The following DNAH9 variants were observed in gnomAD, a reference collection of about 807,000 sequenced individuals.
DNAH9 encodes DNAH9 variant protein.
DNAH9 carries 345 observed loss-of-function variants against 471.6 expected under a neutral mutation model. The observed-to-expected ratio is 0.73, with a 90% confidence interval of 0.67 to 0.80. DNAH9 has a LOEUF of 0.80. DNAH9 is among the 30% of genes least tolerant of loss of function. DNAH9 has a pLI of 0.00. For missense variants in DNAH9, 5,407 were observed against 5,609.2 expected (o/e 0.96, Z 1.15); for synonymous variants, 2,093 against 2,123.6 (o/e 0.99, Z 0.40).
chr17:11,809,801 T>C (rs1969824809), intron 44 of DNAH9, among the ~76,000 whole-genome samples: 1 of 152,042 alleles, frequency 6.6e-6, no homozygotes. Flanking sequence ...CATATAAGTA[T>C]GTAAGTCTTA....
intron 28 of DNAH9, among the ~76,000 whole-genome samples, chr17:11,731,959 C>G (rs1431639423): frequency 6.6e-6 from 1 of 152,108 alleles, no homozygotes. Context: ...TTCTAGATCC[C>G]TAAGGAATCT....
At chr17:11,845,450 A>G (rs1267231361) in intron 49 of DNAH9, among the ~76,000 whole-genome samples, 17 of 150,838 alleles carry the variant, frequency 1.1e-4, no homozygotes, top group African/African-American at 3.7e-4. Context: ...ATTGTGAATA[A>G]TGCCGCAATA....
At chr17:11,817,572 C>A (rs1007324311) in intron 45 of DNAH9, among the ~76,000 whole-genome samples, 2 of 152,222 alleles carry the variant, frequency 1.3e-5, no homozygotes, top group African/African-American at 4.8e-5. Flanking sequence ...ACCTAATGAT[C>A]ATGGCTATGG....
chr17:11,737,010 C>A (rs2075358885), intron 28 of DNAH9, among the ~76,000 whole-genome samples: 1 of 152,188 alleles, frequency 6.6e-6, no homozygotes, highest in Non-Finnish European at 1.5e-5. Context: ...ACGTAACTTG[C>A]AGGGTGATGA....
intron 35 of DNAH9, among the ~76,000 whole-genome samples, chr17:11,762,770 G>GTTTTTTGTT (rs1967748334): frequency 2.2e-5 from 2 of 90,744 alleles, no homozygotes; most frequent in African/African-American, 4.1e-5. Flanking sequence ...TTTTTTTTTT[G>GTTTTTTGTT]TTTTTTTTTT....
rs1270140931 is a variant in DNAH9 at position 11,705,117 on chromosome 17, C to T, written c.5484C>T (p.Ala1828=). 7 of 1,614,124 alleles carry T rather than the reference C, an allele frequency of 4.3e-6. No homozygotes were observed. The South Asian group carries it at 7.7e-5, about 18-fold the overall frequency. The part of the protein sequence containing the change: ...VKHCFANICD[A]QFLYSYEYLG... ...ACTGCTTTGCCAACATCTGTGATGC[C>T]CAGTTTTTGTATTCCTATGAGTACC... Residue 1828 remains alanine, a synonymous_variant, in exon 26 of 69, where the codon GCC becomes GCT. Transcript: ENST00000262442.
At chr17:11,700,264 C>T (rs569850798) in intron 23 of DNAH9, among the ~76,000 whole-genome samples, 24 of 152,234 alleles carry the variant, frequency 1.6e-4, no homozygotes, top group African/African-American at 5.5e-4. Context: ...TGACACCCTC[C>T]CTGGGAGAAA....
chr17:11,756,773 A>T (rs187830220), intron 34 of DNAH9, 97 bp downstream of exon 34: 2 of 764,824 alleles, frequency 2.6e-6, no homozygotes, highest in South Asian at 1.5e-5. Context: ...GAATCTCCAC[A>T]TGGGAGCCAG....
chr17:11,900,332 A>G (rs1039270300), intron 59 of DNAH9, among the ~76,000 whole-genome samples: 3 of 151,868 alleles, frequency 2.0e-5, no homozygotes, highest in Non-Finnish European at 4.4e-5. Context: ...ACATGTGTTC[A>G]TTTCCACGGG....
intron 14 of DNAH9, among the ~76,000 whole-genome samples, chr17:11,654,962 A>G (rs1597440627): frequency 3.9e-5 from 6 of 152,276 alleles, no homozygotes; most frequent in Admixed American, 3.9e-4. Flanking sequence ...AAACTTAGTA[A>G]TTAGGCCTTA....
At position 11,796,681 on chromosome 17, in the gene DNAH9, G is replaced by C. The variant is rs145708692; in HGVS notation, c.8224-916G>C. On this transcript the variant is annotated intron_variant, in intron 42 of 68. Transcript: ENST00000262442. ...TTAGGAGGAAAAAACGACAGGTGCG[G>C]ACAACTGCTCATGCTGGCATAACTT... 8.0e-4 allele frequency among the ~76,000 whole-genome samples: 122 copies of C among 152,322 alleles called. 1 individual carries two copies. The East Asian group carries it at 0.021, about 27-fold the overall frequency.
In DNAH9 at chr17:11,652,905, G is replaced by A; in HGVS notation, c.2498G>A (p.Arg833Lys). Residue 833 changes from arginine (R) to lysine (K), a missense_variant, in exon 14 of 69, where the codon AGG (arginine) becomes AAG (lysine). Coordinates refer to ENST00000262442, the MANE Select transcript of DNAH9 (RefSeq NM_001372.4). ...ATATTTAAGACAAAAGATGGAAAAAGGGAATCCCTTCTTTCTCTGGATGAT... is the reference window on the plus strand; with the variant it reads ...ATATTTAAGACAAAAGATGGAAAAAAGGAATCCCTTCTTTCTCTGGATGAT... ...TPIFKTKDGK[R>K]ESLLSLDDRH... 1 of 1,614,004 alleles carries A rather than the reference G, an allele frequency of 6.2e-7. No individual in the cohort carries two copies. Among genetic ancestry groups the A allele is most frequent in the South Asian group, 1.1e-5 (1 of 91,082 alleles).
At chr17:11,694,231 T>C in intron 21 of DNAH9, 90 bp from the exon 22 acceptor site, 1 of 1,415,738 alleles carries the variant, frequency 7.1e-7, no homozygotes, top group Admixed American at 1.8e-5. Flanking sequence ...ATATGTTCCG[T>C]CTATTGCATA....
intron 61 of DNAH9, among the ~76,000 whole-genome samples, chr17:11,909,977 C>T (rs1973738763): frequency 6.6e-6 from 1 of 152,216 alleles, no homozygotes; most frequent in Non-Finnish European, 1.5e-5. Flanking sequence ...CTATTCTCGG[C>T]TGGGCGTGGT....
In DNAH9 at chr17:11,902,650, AT is replaced by A. The variant is rs1413570338; in HGVS notation, c.11407-68del. ...GTAGATAAGACCATCTGGCCCCTCAATCCCCCAACACAATGCAAATGACAGC... is the reference window on the plus strand; with the variant it reads ...GTAGATAAGACCATCTGGCCCCTCAACCCCCAACACAATGCAAATGACAGC... On this transcript the variant is annotated intron_variant, in intron 59 of 68. Coordinates refer to ENST00000262442, the MANE Select transcript of DNAH9 (RefSeq NM_001372.4). 2.8e-6 allele frequency: 4 copies of A among 1,425,360 alleles called. No individual in the cohort carries two copies. In the African/African-American group the frequency reaches 5.7e-5, roughly 20 times the overall value. 88.3% of individuals were successfully genotyped at this position (1,425,360 alleles called of 1,614,324 possible).
At chr17:11,920,387 G>A (rs1597827760) in intron 61 of DNAH9, among the ~76,000 whole-genome samples, 5 of 151,610 alleles carry the variant, frequency 3.3e-5, no homozygotes, top group Admixed American at 2.6e-4. Context: ...TTGGGAGGCC[G>A]AGGTGGGCAG....
intron 28 of DNAH9, among the ~76,000 whole-genome samples, chr17:11,738,117 G>C (rs1367519742): frequency 6.6e-6 from 1 of 152,260 alleles, no homozygotes; most frequent in South Asian, 2.1e-4. Flanking sequence ...GTGGCTTTGG[G>C]CAAGTGTTTC....
chr17:11,841,859 A>G (rs1971046304), intron 49 of DNAH9, among the ~76,000 whole-genome samples: 1 of 151,846 alleles, frequency 6.6e-6, no homozygotes. Flanking sequence ...CCTGAGATTT[A>G]TTTTCCTTTC....
intron 45 of DNAH9, among the ~76,000 whole-genome samples, chr17:11,811,098 A>T (rs1313021578): frequency 6.6e-6 from 1 of 152,186 alleles, no homozygotes; most frequent in South Asian, 2.1e-4. Context: ...GGCTCACCTG[A>T]GGTCAGTAGT....
Sources: gnomAD v4.1 joint callset for allele counts (sites outside exome capture counted in the v4.1 genomes callset) on GRCh38, gnomAD v4.1.1 for gene constraint, MANE v1.5 for transcripts, NCBI Gene and HGNC (gene_info 2026-07-23, HGNC 2026-07-21) for gene names.